The following EPHB1 variants were observed in gnomAD, a reference collection of about 807,000 sequenced individuals.
EPHB1 encodes the protein EPH receptor B1, also known as ephrin type-B receptor 1.
EPHB1 carries 30 observed loss-of-function variants against 94.4 expected under a neutral mutation model. That is an observed-to-expected ratio of 0.32 (90% CI 0.24 to 0.43). The LOEUF (loss-of-function observed/expected upper bound fraction) is 0.43. EPHB1 is among the 20% of genes least tolerant of loss of function. The probability of loss-of-function intolerance (pLI) is 1.00; values close to 1 mark genes in which losing one functional copy is unlikely to be tolerated. For missense variants in EPHB1, 1,055 were observed against 1,308.3 expected, an observed-to-expected ratio of 0.81 and a Z score of 2.99; for synonymous variants, 522 against 489.1, an observed-to-expected ratio of 1.07 and a Z score of -0.89.
chr3:134,926,215 G>A (rs2038788439), intron 2 of EPHB1, among the ~76,000 whole-genome samples: 1 of 152,218 alleles, frequency 6.6e-6, no homozygotes, highest in Non-Finnish European at 1.5e-5. Flanking sequence ...TGCAGCAAAG[G>A]CAAAGACATG....
chr3:134,798,495 G>A (rs1048168336), intron 1 of EPHB1, among the ~76,000 whole-genome samples: 2 of 152,140 alleles, frequency 1.3e-5, no homozygotes, highest in African/African-American at 2.4e-5. Flanking sequence ...CCACACTCCC[G>A]CATTTCCAGC....
intron 12 of EPHB1, among the ~76,000 whole-genome samples, chr3:135,214,690 C>T (rs902594809): frequency 5.9e-5 from 9 of 152,344 alleles, no homozygotes; most frequent in South Asian, 2.1e-4. Context: ...CCTCCATCCT[C>T]GCTGTGCTTC....
Position 135,247,715 on chromosome 3 carries a change from T to G in EPHB1, c.2497-601T>G, listed in dbSNP as rs75362908. On this transcript the variant is annotated intron_variant, in intron 13 of 15. Coordinates refer to ENST00000398015, the MANE Select transcript of EPHB1 (RefSeq NM_004441.5). The stretch of plus-strand genomic sequence containing the variant: ...GACTGTTGTCATTGATTTGAACCAA[T>G]TATTTGTTTAACCAAGCCCATTCAT... Among the ~76,000 whole-genome samples, 745 of 152,336 alleles carry G rather than the reference T, an allele frequency of 4.9e-3. 3 individuals are homozygous for G. The highest frequency in any genetic ancestry group is 0.013 in the African/African-American group (548 of 41,576).
intron 12 of EPHB1, among the ~76,000 whole-genome samples, chr3:135,228,220 C>G (rs1308552619): frequency 6.6e-6 from 1 of 152,128 alleles, no homozygotes; most frequent in South Asian, 2.1e-4. Flanking sequence ...AAAATTTTCA[C>G]AATACTTTTT....
intron 1 of EPHB1, among the ~76,000 whole-genome samples, chr3:134,796,668 A>G (rs1211262369): frequency 6.6e-6 from 1 of 151,098 alleles, no homozygotes; most frequent in Non-Finnish European, 1.5e-5. Flanking sequence ...GCAGCCTAGC[A>G]GCGGCCGCGG....
intron 1 of EPHB1, among the ~76,000 whole-genome samples, chr3:134,898,679 A>G (rs1465527161): frequency 6.6e-6 from 1 of 152,136 alleles, no homozygotes; most frequent in Non-Finnish European, 1.5e-5. Context: ...CTGTTTGCTT[A>G]TGGAGGAAAC....
chr3:134,851,323 C>T (rs2036979380), intron 1 of EPHB1, among the ~76,000 whole-genome samples: 1 of 152,182 alleles, frequency 6.6e-6, no homozygotes. Flanking sequence ...ACTGTCAAAT[C>T]CTTGCAGCCT....
At chr3:135,185,856 G>C (rs9827517) in intron 10 of EPHB1, among the ~76,000 whole-genome samples, 1 of 152,156 alleles carries the variant, frequency 6.6e-6, no homozygotes, top group Non-Finnish European at 1.5e-5. Flanking sequence ...CTCAAGCCTC[G>C]TTGTTGGGAA....
At chr3:135,112,310 T>G (rs1939479008) in intron 4 of EPHB1, among the ~76,000 whole-genome samples, 1 of 152,130 alleles carries the variant, frequency 6.6e-6, no homozygotes, top group Non-Finnish European at 1.5e-5. Flanking sequence ...CAATAAGCAT[T>G]CCACATGAGA....
At chr3:134,963,495 G>A (rs1933610452) in intron 3 of EPHB1, among the ~76,000 whole-genome samples, 2 of 152,056 alleles carry the variant, frequency 1.3e-5, no homozygotes, top group South Asian at 4.2e-4. Flanking sequence ...ATCTTGTGTC[G>A]AAATGCTAAT....
In EPHB1 at chr3:134,844,958, G is replaced by GA. The variant is rs548935644; in HGVS notation, c.58+49270dup. Among the ~76,000 whole-genome samples, 21 of 152,246 alleles carry GA rather than the reference G, an allele frequency of 1.4e-4. No individual in the cohort carries two copies. In the East Asian group the frequency reaches 3.1e-3, roughly 22 times the overall value. On this transcript the variant is annotated intron_variant, in intron 1 of 15. Coordinates refer to ENST00000398015, the MANE Select transcript of EPHB1 (RefSeq NM_004441.5). ...TGAGTTTCCTCCCCTACTTACCAAA[G>GA]AGTTCCACCTGAATCCACTTCAGAT...
intron 1 of EPHB1, among the ~76,000 whole-genome samples, chr3:134,822,023 G>A (rs1280603892): frequency 1.3e-5 from 2 of 152,206 alleles, no homozygotes; most frequent in Admixed American, 6.5e-5. Context: ...AGGAGGAGGA[G>A]GAAGGGAGCT....
At chr3:134,919,838 A>AGG (rs199518839) in intron 1 of EPHB1, among the ~76,000 whole-genome samples, 1 of 138,812 alleles carries the variant, frequency 7.2e-6, no homozygotes, top group Non-Finnish European at 1.6e-5. Flanking sequence ...GTCTTAGGGC[A>AGG]GGGGTGTGTG....
chr3:134,929,229 A>G (rs928853494), intron 2 of EPHB1, among the ~76,000 whole-genome samples: 2 of 152,212 alleles, frequency 1.3e-5, no homozygotes, highest in African/African-American at 4.8e-5. Flanking sequence ...TTTTGACGTG[A>G]CAGAGCCATG....
chr3:134,807,906 C>T (rs1373938419), intron 1 of EPHB1, among the ~76,000 whole-genome samples: 1 of 152,080 alleles, frequency 6.6e-6, no homozygotes, highest in African/African-American at 2.4e-5. Context: ...CAGCTGCTGC[C>T]CAGATCAAGC....
At chr3:134,807,812 G>A (rs2036095742) in intron 1 of EPHB1, among the ~76,000 whole-genome samples, 2 of 152,116 alleles carry the variant, frequency 1.3e-5, no homozygotes, top group Admixed American at 1.3e-4. Context: ...GTGGGAAGCC[G>A]ATACTCCCCA....
intron 1 of EPHB1, among the ~76,000 whole-genome samples, chr3:134,845,668 G>A (rs777660661): frequency 3.3e-5 from 5 of 152,198 alleles, no homozygotes; most frequent in African/African-American, 7.2e-5. Flanking sequence ...GAATTCTTGT[G>A]TGAGGAGATA....
chr3:134,838,143 G>C (rs2036710288), intron 1 of EPHB1, among the ~76,000 whole-genome samples: 3 of 152,170 alleles, frequency 2.0e-5, no homozygotes, highest in Non-Finnish European at 4.4e-5. Flanking sequence ...GCTTCTCATT[G>C]CATAGAAATG....
intron 12 of EPHB1, among the ~76,000 whole-genome samples, chr3:135,208,048 C>T (rs1942943837): frequency 6.6e-6 from 1 of 152,180 alleles, no homozygotes; most frequent in Non-Finnish European, 1.5e-5. Context: ...AACATTCAAT[C>T]TACAGCATTC....
Sources: allele counts gnomAD v4.1 joint callset (sites outside exome capture counted in the v4.1 genomes callset), GRCh38; gene constraint gnomAD v4.1.1; transcripts MANE v1.5; gene names NCBI Gene and HGNC (gene_info 2026-07-23, HGNC 2026-07-21).